CD200R1: variants seen among roughly 807,000 people sequenced by gnomAD.
CD200R1 encodes the protein CD200 receptor 1.
In CD200R1, 30 loss-of-function variants were observed where a neutral mutation model predicts 38.1. The observed-to-expected ratio is 0.79, with a 90% CI of 0.59 to 1.07. The LOEUF (loss-of-function observed/expected upper bound fraction) is 1.07, where lower values mean the gene tolerates loss of function less well. Among genes scored for constraint, CD200R1 ranks in the 50% least tolerant of loss-of-function variants. CD200R1 has a pLI of 0.00. For synonymous variants in CD200R1, 128 were observed against 152.1 expected, an observed-to-expected ratio of 0.84 and a Z score of 1.16; for missense variants, 372 against 415.4, an observed-to-expected ratio of 0.90 and a Z score of 0.91.
chr3:112,933,794 A>G (rs1940512675), intron 2 of CD200R1, among the ~76,000 whole-genome samples: 1 of 152,144 alleles, frequency 6.6e-6, no homozygotes, highest in South Asian at 2.1e-4. Flanking sequence ...GATAGCTATC[A>G]TAAAAAAAGA....
At position 112,929,635 on chromosome 3, in the gene CD200R1, C is replaced by T. The variant is rs572501746; in HGVS notation, c.203-128G>A. The stretch of plus-strand genomic sequence containing the variant: ...GTGATCTTATTCCAAAAATATTAGA[C>T]CTTCATAAAAAATTAAAATTCTCAA... On this transcript the variant is annotated intron_variant, in intron 3 of 7. Coordinates refer to ENST00000308611, the MANE Select transcript of CD200R1 (RefSeq NM_138806.4). 6 of 830,862 alleles carry T rather than the reference C, an allele frequency of 7.2e-6. No individual in the cohort carries two copies. The African/African-American group carries it at 1.0e-4, about 14-fold the overall frequency. The allele number at this position is 830,862 out of a possible 1,614,324, so 51.5% of individuals were successfully genotyped here. A position where few individuals can be genotyped will look rare whatever the true frequency, so the allele number is the denominator to read the frequency against.
chr3:112,954,676 T>C (rs115992290), intron 1 of CD200R1, among the ~76,000 whole-genome samples: 7,331 of 152,254 alleles, frequency 0.048, 255 homozygotes, highest in African/African-American at 0.094. Context: ...AGTTTCCAGA[T>C]AGCTAAACAT....
intron 2 of CD200R1, among the ~76,000 whole-genome samples, chr3:112,933,188 C>T (rs1940495907): frequency 6.6e-6 from 1 of 152,158 alleles, no homozygotes; most frequent in Admixed American, 6.5e-5. Flanking sequence ...AGTGGCTGCC[C>T]ACCCACTCCA....
At chr3:112,948,009 AT>A (rs1940901868) in intron 1 of CD200R1, 85 bp from the exon 2 acceptor site, 2 of 893,834 alleles carry the variant, frequency 2.2e-6, no homozygotes, top group Non-Finnish European at 3.7e-6. Flanking sequence ...ATTTTTTCAC[AT>A]TCTTCAGACT....
At chr3:112,956,773 T>C (rs571235665) in intron 1 of CD200R1, among the ~76,000 whole-genome samples, 3 of 152,322 alleles carry the variant, frequency 2.0e-5, no homozygotes, top group East Asian at 3.9e-4. Context: ...AGTACTACTA[T>C]GGCCAGGCTG....
At chr3:112,949,419 T>A (rs142606883) in intron 1 of CD200R1, among the ~76,000 whole-genome samples, 1 of 152,274 alleles carries the variant, frequency 6.6e-6, no homozygotes, top group Non-Finnish European at 1.5e-5. Context: ...TCTTTTAAGA[T>A]AATTTATGGA....
intron 1 of CD200R1, among the ~76,000 whole-genome samples, chr3:112,966,848 G>A (rs909631428): frequency 1.3e-5 from 2 of 151,798 alleles, no homozygotes; most frequent in Non-Finnish European, 2.9e-5. Context: ...TGAGTGGTCT[G>A]TGCCCACAGC....
rs1576149202 is a variant in CD200R1 at position 112,957,483 on chromosome 3, A to C, written c.68-9559T>G. On this transcript the variant is annotated intron_variant, in intron 1 of 7. Transcript: ENST00000308611. ...AACTTCAACCCTTTACACATACACA[A>C]AAAAAATTACCTATAATTGGATTAT... is the stretch of plus-strand genomic sequence containing the variant. Among the ~76,000 whole-genome samples the C allele has an allele frequency of 2.0e-5, 3 of 152,142 alleles. 1 individual carries two copies. The highest frequency in any genetic ancestry group is 2.0e-4 in the Admixed American group (3 of 15,288).
At chr3:112,933,346 G>A (rs930939669) in intron 2 of CD200R1, among the ~76,000 whole-genome samples, 11 of 152,162 alleles carry the variant, frequency 7.2e-5, no homozygotes, top group Admixed American at 7.2e-4. Context: ...AACCCACCAT[G>A]TGCACACAAG....
chr3:112,974,418 AG>A (rs1285326498), intron 1 of CD200R1, among the ~76,000 whole-genome samples: 10 of 152,220 alleles, frequency 6.6e-5, no homozygotes, highest in Non-Finnish European at 5.9e-5. Flanking sequence ...CCTGGGCAAC[AG>A]AGCAAGACCC....
At chr3:112,946,287 G>A (rs548637804) in intron 2 of CD200R1, among the ~76,000 whole-genome samples, 1 of 152,254 alleles carries the variant, frequency 6.6e-6, no homozygotes, top group South Asian at 2.1e-4. Context: ...ATGTAGTAAG[G>A]CAAATTCAAG....
At chr3:112,971,584 C>A (rs1414230793) in intron 1 of CD200R1, among the ~76,000 whole-genome samples, 1 of 152,142 alleles carries the variant, frequency 6.6e-6, no homozygotes, top group African/African-American at 2.4e-5. Flanking sequence ...AAATATTTTA[C>A]CTAGTGCCAC....
At chr3:112,927,948 C>T (rs1201257556) in intron 5 of CD200R1, among the ~76,000 whole-genome samples, 1 of 152,080 alleles carries the variant, frequency 6.6e-6, no homozygotes, top group African/African-American at 2.4e-5. Flanking sequence ...TGATTCAGCA[C>T]TTAACAGTAC....
At chr3:112,928,780 A>G in intron 5 of CD200R1, 36 bp downstream of exon 5, 2 of 1,504,646 alleles carry the variant, frequency 1.3e-6, no homozygotes, top group South Asian at 1.2e-5. Context: ...AAAAGAATGG[A>G]AAAAAATAAA....
rs1940173779 is a variant in CD200R1, at chr3:112,921,662, A to G, written c.*2015T>C. ...CCAGGTCTAATCTCTAGATTCTCTA[A>G]TTTGACAGGTCTAGCGTGGATTTGG... On this transcript the variant is annotated 3_prime_UTR_variant, in exon 8 of 8. Coordinates refer to ENST00000308611, the MANE Select transcript of CD200R1 (RefSeq NM_138806.4). The G allele has an allele frequency of 6.6e-6, 1 of 152,028 alleles. No individual in the cohort carries two copies. The highest frequency in any genetic ancestry group is 6.6e-5 in the Admixed American group (1 of 15,218). 9.4% of individuals were successfully genotyped at this position (152,028 alleles called of 1,614,324 possible).
At position 112,922,798 on chromosome 3, in the gene CD200R1, A is replaced by C. The variant is rs1016958317; in HGVS notation, c.*879T>G. On this transcript the variant is annotated 3_prime_UTR_variant, in exon 8 of 8. Transcript: ENST00000308611. ...GCAACTGTAGAAGCAGGAATAGTAC[A>C]GTTATTAAAATAGAAATTTAGGGAA... 6.6e-6 allele frequency: 1 copy of C among 151,970 alleles called. No individual in the cohort carries two copies. Among genetic ancestry groups the C allele is most frequent in the African/African-American group, 2.4e-5 (1 of 41,444 alleles). 9.4% of individuals were successfully genotyped at this position (151,970 alleles called of 1,614,324 possible).
At chr3:112,928,590 A>G (rs1576126034) in intron 5 of CD200R1, among the ~76,000 whole-genome samples, 1 of 152,206 alleles carries the variant, frequency 6.6e-6, no homozygotes, top group Admixed American at 6.5e-5. Context: ...CTAGCATAGA[A>G]GTGAACATTA....
At chr3:112,934,989 A>G (rs934533923) in intron 2 of CD200R1, among the ~76,000 whole-genome samples, 5 of 152,210 alleles carry the variant, frequency 3.3e-5, no homozygotes, top group African/African-American at 1.2e-4. Context: ...GACAAAGGCT[A>G]TATAAAAAAG....
At chr3:112,933,122 G>A (rs1018328645) in intron 2 of CD200R1, among the ~76,000 whole-genome samples, 1 of 152,124 alleles carries the variant, frequency 6.6e-6, no homozygotes, top group Non-Finnish European at 1.5e-5. Flanking sequence ...TGTACCCAGG[G>A]CCTAAGAAAT....
Sources: allele counts gnomAD v4.1 joint callset (sites outside exome capture counted in the v4.1 genomes callset), GRCh38; gene constraint gnomAD v4.1.1; transcripts MANE v1.5; gene names NCBI Gene and HGNC (gene_info 2026-07-23, HGNC 2026-07-21).